The following PSG11 variants were observed in gnomAD, a reference collection of about 807,000 sequenced individuals.
PSG11 encodes pregnancy specific beta-1-glycoprotein 11.
PSG11 carries 42 observed loss-of-function variants against 36.0 expected under a neutral mutation model. The ratio of observed to expected loss-of-function variants is 1.17; its 90% CI spans 0.91 to 1.51. The LOEUF is 1.51. Ranked by LOEUF, PSG11 falls within the 40% of genes most tolerant of loss-of-function variation. The pLI is 0.00. For missense variants in PSG11, 558 were observed against 403.5 expected (o/e 1.38, Z -3.28); for synonymous variants, 206 against 153.5 (o/e 1.34, Z -2.53).
chr19:43,024,587 T>C (rs1967189332), intron 2 of PSG11, 104 bp downstream of exon 2: 1 of 1,586,890 alleles, frequency 6.3e-7, no homozygotes, highest in Admixed American at 1.7e-5. Context: ...TGGGACATAA[T>C]GCAGAGAGGG....
At chr19:43,020,616 T>G (rs113969891) in intron 2 of PSG11, among the ~76,000 whole-genome samples, 6,907 of 151,420 alleles carry the variant, frequency 0.046, 767 homozygotes, top group African/African-American at 0.16. Context: ...ACATAAGGTT[T>G]AGGTGTGCCA....
At chr19:43,015,395 A>G (rs1182231369) in intron 3 of PSG11, 25 bp from the exon 4 acceptor site, 3 of 1,597,464 alleles carry the variant, frequency 1.9e-6, no homozygotes, top group South Asian at 1.1e-5. Context: ...ATAAAGCCAC[A>G]GTTGATGTCA....
intron 4 of PSG11, chr19:43,010,517 T>C (rs946905048): frequency 4.0e-6 from 3 of 750,322 alleles, no homozygotes; most frequent in East Asian, 3.5e-5. Context: ...CCAGGAAGGG[T>C]GTGAAAGCAA....
At chr19:43,010,160 T>C in intron 4 of PSG11, 119 bp from the exon 5 acceptor site, 1 of 1,472,036 alleles carries the variant, frequency 6.8e-7, no homozygotes. Flanking sequence ...GACTACATTA[T>C]TTCTGTTGGA....
intron 3 of PSG11, chr19:43,017,748 T>C (rs1967002398): frequency 6.6e-6 from 1 of 151,550 alleles, no homozygotes; most frequent in African/African-American, 2.4e-5. Context: ...GAAAATGAAG[T>C]GTCTTTCCAT....
chr19:43,017,327 T>G (rs1360001958), intron 3 of PSG11: 1 of 151,592 alleles, frequency 6.6e-6, no homozygotes, highest in Non-Finnish European at 1.5e-5. Context: ...CTAAAATGCT[T>G]CAGTGAGAAT....
intron 4 of PSG11, among the ~76,000 whole-genome samples, chr19:43,011,169 C>G (rs1280092524): frequency 6.6e-6 from 1 of 151,114 alleles, no homozygotes; most frequent in African/African-American, 2.4e-5. Flanking sequence ...AATATAGTAG[C>G]TGACATTGGT....
intron 4 of PSG11, 107 bp from the exon 5 acceptor site, chr19:43,010,148 AG>A: frequency 6.7e-7 from 1 of 1,487,342 alleles, no homozygotes; most frequent in Admixed American, 2.2e-5. Flanking sequence ...TGTTTCTTCA[AG>A]GACTACATTA....
chr19:43,014,806 A>C, intron 4 of PSG11: 1 of 1,246,930 alleles, frequency 8.0e-7, no homozygotes, highest in Non-Finnish European at 1.1e-6. Context: ...TGACAGTGAG[A>C]AGCAACTCGA....
intron 3 of PSG11, among the ~76,000 whole-genome samples, chr19:43,017,787 G>A (rs977508250): frequency 1.3e-5 from 2 of 151,350 alleles, no homozygotes; most frequent in Non-Finnish European, 2.9e-5. Flanking sequence ...ATTTCTTTCA[G>A]CAATGTTTTG....
chr19:43,015,904 G>A, intron 3 of PSG11: 4 of 1,609,902 alleles, frequency 2.5e-6, no homozygotes, highest in Non-Finnish European at 3.4e-6. Flanking sequence ...CTTTACCCTG[G>A]GACTGACCGG....
chr19:43,014,588 C>A, intron 4 of PSG11: 1 of 1,019,184 alleles, frequency 9.8e-7, no homozygotes, highest in South Asian at 4.6e-5. Flanking sequence ...ATGCTGGTCC[C>A]ACCCCAGGTT....
At chr19:43,021,671 T>C (rs1371502320) in intron 2 of PSG11, among the ~76,000 whole-genome samples, 1 of 151,502 alleles carries the variant, frequency 6.6e-6, no homozygotes, top group Non-Finnish European at 1.5e-5. Context: ...TAATGAGTTG[T>C]TGACTTTTGA....
Position 43,024,746 on chromosome 19 carries a change from TATG to T in PSG11, c.372_374del (p.Ile125del), listed in dbSNP as rs1967195266. The T allele has an allele frequency of 6.2e-7, 1 of 1,611,638 alleles. No individual in the cohort carries two copies. Among genetic ancestry groups the T allele is most frequent in the Admixed American group, 1.7e-5 (1 of 59,798 alleles). On this transcript the variant is annotated inframe_deletion, in exon 2 of 6. Coordinates refer to ENST00000320078, the MANE Select transcript of PSG11 (RefSeq NM_002785.3). ...CTCCTCTAGTCCCATCACCTCGCTT[TATG>T]ATGTGTAAGGTGTAGGATCCTGCGT... is the stretch of plus-strand genomic sequence containing the variant.
intron 3 of PSG11, chr19:43,015,716 G>A: frequency 1.2e-6 from 2 of 1,600,784 alleles, no homozygotes; most frequent in Non-Finnish European, 1.7e-6. Flanking sequence ...CCTGGCCCCT[G>A]GTCGTTTGGA....
intron 2 of PSG11, among the ~76,000 whole-genome samples, chr19:43,022,594 A>G (rs1021208691): frequency 4.6e-5 from 7 of 151,368 alleles, no homozygotes; most frequent in African/African-American, 1.2e-4. Flanking sequence ...CACCATTTCA[A>G]TAAATTTGTG....
chr19:43,022,682 C>G (rs1346738876), intron 2 of PSG11, among the ~76,000 whole-genome samples: 2 of 151,272 alleles, frequency 1.3e-5, no homozygotes, highest in African/African-American at 4.9e-5. Flanking sequence ...CTTCCTATCC[C>G]TGTCCCATGG....
intron 1 of PSG11, 130 bp downstream of exon 1, chr19:43,026,179 G>A (rs1293272745): frequency 8.6e-6 from 12 of 1,402,038 alleles, no homozygotes; most frequent in African/African-American, 5.9e-5. Context: ...CTGATCTCGT[G>A]ATCCACCCAC....
At position 43,026,195 on chromosome 19, in the gene PSG11, C is replaced by G. The variant is rs1967250532; in HGVS notation, c.64+114G>C. ...TGATCTCGTGATCCACCCACCTCAG[C>G]CTCCCTAAATGCTGGCTTTTTTATT... On this transcript the variant is annotated intron_variant, in intron 1 of 5. Coordinates refer to ENST00000320078, the MANE Select transcript of PSG11 (RefSeq NM_002785.3). 11 of 1,486,992 alleles carry G rather than the reference C, an allele frequency of 7.4e-6. 1 individual carries two copies. In the South Asian group the frequency reaches 1.3e-4, roughly 17 times the overall value. The allele number at this position is 1,486,992 out of a possible 1,614,324, so 92.1% of individuals were successfully genotyped here.
Sources: allele counts gnomAD v4.1 joint callset (sites outside exome capture counted in the v4.1 genomes callset), GRCh38; gene constraint gnomAD v4.1.1; transcripts MANE v1.5; gene names NCBI Gene and HGNC (gene_info 2026-07-23, HGNC 2026-07-21).